CUL4A: variants seen among roughly 807,000 people sequenced by gnomAD.
CUL4A encodes cullin-4A.
CUL4A carries 16 observed loss-of-function variants against 95.5 expected under a neutral mutation model. That is an observed-to-expected ratio of 0.17 (90% confidence interval 0.11 to 0.25). The LOEUF is 0.25. CUL4A is among the 10% of genes least tolerant of loss of function. The pLI, the probability that CUL4A is intolerant of heterozygous loss-of-function variation, is 1.00. For missense variants in CUL4A, 610 were observed against 937.0 expected, an observed-to-expected ratio of 0.65 and a Z score of 4.56; for synonymous variants, 380 against 353.1, an observed-to-expected ratio of 1.08 and a Z score of -0.85.
chr13:113,259,163 A>G (rs1296929144), intron 18 of CUL4A, among the ~76,000 whole-genome samples: 1 of 152,226 alleles, frequency 6.6e-6, no homozygotes, highest in Non-Finnish European at 1.5e-5. Context: ...TCTACAAATA[A>G]TGATCGTTTT....
At chr13:113,239,316 G>C (rs2041637408) in intron 9 of CUL4A, 117 bp from the exon 10 acceptor site, 1 of 859,214 alleles carries the variant, frequency 1.2e-6, no homozygotes, top group Non-Finnish European at 2.0e-6. Flanking sequence ...GCGATGTGGA[G>C]ACCCGCCCAA....
At chr13:113,208,633 A>AT (rs772104027), upstream of CUL4A, 4 of 1,607,092 alleles carry the variant, frequency 2.5e-6, no homozygotes, top group Non-Finnish European at 3.4e-6. Flanking sequence ...AATGTGCGCC[A>AT]TGGGAGCGCC....
chr13:113,209,907 CG>C (rs1320917024), intron 1 of CUL4A, 65 bp from the exon 2 acceptor site: 11 of 1,311,566 alleles, frequency 8.4e-6, no homozygotes, highest in African/African-American at 7.8e-5. Context: ...CCGGCCGGGT[CG>C]GGGGTGGCTA....
chr13:113,258,837 C>T (rs2042198389), intron 18 of CUL4A, among the ~76,000 whole-genome samples: 1 of 152,188 alleles, frequency 6.6e-6, no homozygotes, highest in South Asian at 2.1e-4. Context: ...TGAAAGAAGG[C>T]CTCTGGCTGC....
chr13:113,244,789 G>A (rs548179648), intron 12 of CUL4A, among the ~76,000 whole-genome samples, 160 bp from the exon 13 acceptor site: 29 of 151,064 alleles, frequency 1.9e-4, no homozygotes, highest in South Asian at 1.9e-3. Context: ...GCAGTGAGCC[G>A]AGATCGCGCC....
chr13:113,241,118 T>C (rs1040103254), intron 10 of CUL4A, among the ~76,000 whole-genome samples: 2 of 152,192 alleles, frequency 1.3e-5, no homozygotes, highest in Non-Finnish European at 2.9e-5. Flanking sequence ...CGTACAATGA[T>C]AGAATTGGAA....
chr13:113,261,088 A>G (rs1035597401), intron 19 of CUL4A, among the ~76,000 whole-genome samples: 101 of 152,192 alleles, frequency 6.6e-4, no homozygotes, highest in African/African-American at 2.3e-3. Context: ...ACAAGATTTT[A>G]AGGAAATGAT....
At chr13:113,208,742 C>G, upstream of CUL4A, 1 of 1,483,628 alleles carries the variant, frequency 6.7e-7, no homozygotes, top group Admixed American at 2.3e-5. Context: ...GGCCCCGCCG[C>G]GGGTGCGCAG....
intron 2 of CUL4A, among the ~76,000 whole-genome samples, chr13:113,215,257 G>C (rs1010896065): frequency 1.4e-5 from 2 of 146,884 alleles, no homozygotes; most frequent in African/African-American, 5.1e-5. Flanking sequence ...CTGTGTGACT[G>C]TGGAGGTTGC....
intron 18 of CUL4A, among the ~76,000 whole-genome samples, chr13:113,256,923 T>G (rs1025427324): frequency 7.1e-6 from 1 of 140,276 alleles, no homozygotes; most frequent in Non-Finnish European, 1.5e-5. Flanking sequence ...CTTTTTTTTT[T>G]TCGTTTTTTT....
At position 113,210,098 on chromosome 13, in the gene CUL4A, C is replaced by T. The variant is rs1306483036; in HGVS notation, c.264+10C>T. The T allele has an allele frequency of 1.3e-6, 2 of 1,485,978 alleles. No individual in the cohort carries two copies. The highest frequency in any genetic ancestry group is 2.9e-5 in the East Asian group (1 of 34,150). The allele number at this position is 1,485,978 out of a possible 1,614,324, so 92.0% of individuals were successfully genotyped here. Reference sequence around the variant, plus strand: ...CGAGGAGCTCTACCAGGTGAGGCGGCGGCCGGGGCTGGGGACGCCGCTCCT... The same window carrying T: ...CGAGGAGCTCTACCAGGTGAGGCGGTGGCCGGGGCTGGGGACGCCGCTCCT... On this transcript the variant is annotated intron_variant, in intron 2 of 19. Transcript: ENST00000375440.
chr13:113,255,506 A>G (rs879200618), intron 18 of CUL4A, among the ~76,000 whole-genome samples: 1 of 152,138 alleles, frequency 6.6e-6, no homozygotes, highest in African/African-American at 2.4e-5. Flanking sequence ...ATCCACCATT[A>G]TAGGATCATA....
chr13:113,260,436 G>A (rs540897434), intron 18 of CUL4A, among the ~76,000 whole-genome samples, 171 bp from the exon 19 acceptor site: 61 of 151,858 alleles, frequency 4.0e-4, no homozygotes, highest in African/African-American at 1.4e-3. Context: ...TGTGATCCCA[G>A]CTACTCGGGA....
intron 10 of CUL4A, among the ~76,000 whole-genome samples, chr13:113,241,759 C>T (rs568073295): frequency 3.6e-4 from 55 of 152,118 alleles, no homozygotes; most frequent in Non-Finnish European, 6.8e-4. Context: ...GTGATCCACC[C>T]GCCTTAGCCT....
At chr13:113,222,661 G>A (rs2040943741) in intron 3 of CUL4A, among the ~76,000 whole-genome samples, 1 of 152,200 alleles carries the variant, frequency 6.6e-6, no homozygotes, top group Admixed American at 6.5e-5. Flanking sequence ...AGACACAGTG[G>A]CTCACGCCTC....
intron 8 of CUL4A, 80 bp downstream of exon 8, chr13:113,235,225 G>A: frequency 3.1e-6 from 3 of 971,392 alleles, no homozygotes; most frequent in Non-Finnish European, 4.9e-6. Context: ...GAAATAAAGG[G>A]TGTCTTTGTC....
In CUL4A at chr13:113,235,241, A is replaced by T. The variant is rs1468235306; in HGVS notation, c.848+96A>T. On this transcript the variant is annotated intron_variant, in intron 8 of 19. Transcript: ENST00000375440. ...AAATAAAGGGTGTCTTTGTCAATTC[A>T]TTCAGTACTAAGAGTGTTTTTGCAC... The T allele has an allele frequency of 3.7e-6, 3 of 807,204 alleles. No homozygotes were observed. The African/African-American group carries it at 5.1e-5, about 14-fold the overall frequency. 50.0% of individuals were successfully genotyped at this position (807,204 alleles called of 1,614,324 possible). A position where few individuals can be genotyped will look rare whatever the true frequency, so the allele number is the denominator to read the frequency against.
At chr13:113,236,380 G>A (rs868319289) in intron 8 of CUL4A, among the ~76,000 whole-genome samples, 8 of 152,312 alleles carry the variant, frequency 5.3e-5, no homozygotes, top group Admixed American at 1.3e-4. Context: ...GGCAGCCACA[G>A]CGAAGCCCCA....
At chr13:113,215,611 G>A (rs1292302363) in intron 2 of CUL4A, among the ~76,000 whole-genome samples, 1 of 150,236 alleles carries the variant, frequency 6.7e-6, no homozygotes, top group Non-Finnish European at 1.5e-5. Flanking sequence ...CACGTCCCGT[G>A]TGGCTGTGGA....
Sources: allele counts gnomAD v4.1 joint callset (sites outside exome capture counted in the v4.1 genomes callset), GRCh38; gene constraint gnomAD v4.1.1; transcripts MANE v1.5; gene names NCBI Gene and HGNC (gene_info 2026-07-23, HGNC 2026-07-21).